IL18BP: variants seen among roughly 807,000 people sequenced by gnomAD.
IL18BP encodes the protein interleukin 18 binding protein.
A neutral mutation model predicts 19.9 loss-of-function variants in IL18BP; 23 were observed. The ratio of observed to expected loss-of-function variants is 1.15; its 90% confidence interval spans 0.83 to 1.64. IL18BP has a LOEUF of 1.64. Ranked by LOEUF, IL18BP falls within the 40% of genes most tolerant of loss-of-function variation. The pLI is 0.00. For missense variants in IL18BP, 239 were observed against 240.7 expected (o/e 0.99, Z 0.05); for synonymous variants, 107 against 101.0 (o/e 1.06, Z -0.35).
rs916350949 is a variant in IL18BP, at chr11:72,001,507, C to T, written c.462C>T (p.Asp154=). The change falls in exon 5 of 6, where the codon GAC becomes GAT. Residue 154 remains aspartate (D), a synonymous_variant. Coordinates refer to ENST00000393703, the MANE Select transcript of IL18BP (RefSeq NM_001039660.2). The part of the protein sequence containing the change: ...HSTNFSCVLV[D]PEQVVQRHVV... ...CCAACTTCTCCTGTGTGCTCGTGGA[C>T]CCTGAACAGGTTGTCCAGCGTCACG... 4 of 1,613,866 alleles carry T rather than the reference C, an allele frequency of 2.5e-6. No individual in the cohort carries two copies. Among genetic ancestry groups the T allele is most frequent in the African/African-American group, 2.7e-5 (2 of 74,934 alleles).
rs762796322 is a variant in IL18BP, at chr11:72,002,104, T to G, written c.*243T>G. On this transcript the variant is annotated 3_prime_UTR_variant, in exon 6 of 6. Coordinates refer to ENST00000393703, the MANE Select transcript of IL18BP (RefSeq NM_001039660.2). ...TCTCTCTCCACCTATCCATTAGCCT[T>G]CCTAACGTCCTACTCCTCACACTGC... The G allele has an allele frequency of 4.6e-4, 280 of 604,840 alleles. 2 individuals carry two copies. Among genetic ancestry groups the G allele is most frequent in the Non-Finnish European group, 6.8e-5 (23 of 337,980 alleles). The allele number at this position is 604,840 out of a possible 1,614,324, so 37.5% of individuals were successfully genotyped here. A position where few individuals can be genotyped will look rare whatever the true frequency, so the allele number is the denominator to read the frequency against.
intron 1 of IL18BP, 57 bp from the exon 2 acceptor site, chr11:71,999,870 C>A: frequency 9.7e-7 from 1 of 1,035,426 alleles, no homozygotes; most frequent in Non-Finnish European, 1.5e-6. Flanking sequence ...GAGGAAAAGC[C>A]AGCTACTGAG....
downstream of IL18BP, chr11:72,004,663 G>A (rs1481026421): frequency 1.2e-6 from 2 of 1,613,028 alleles, no homozygotes; most frequent in Admixed American, 3.3e-5. Flanking sequence ...GGGCCCTGGT[G>A]GGGCTCTAGG....
downstream of IL18BP, chr11:72,005,356 G>C: frequency 6.2e-7 from 1 of 1,607,792 alleles, no homozygotes; most frequent in Non-Finnish European, 8.5e-7. Context: ...TGCCCATGTA[G>C]AAGCTGTTCC....
downstream of IL18BP, chr11:72,005,189 G>A (rs2852364): frequency 6.5e-7 from 1 of 1,526,802 alleles, no homozygotes; most frequent in Non-Finnish European, 8.8e-7. Flanking sequence ...GATTCCAAGG[G>A]AGGGCAGGGA....
At chr11:72,004,467 C>T (rs71477707), downstream of IL18BP, 2 of 1,217,642 alleles carry the variant, frequency 1.6e-6, no homozygotes, top group Non-Finnish European at 2.4e-6. Flanking sequence ...CTTCCCAACT[C>T]TGGGCCAGAT....
chr11:72,002,057 T>C lies in IL18BP; in HGVS notation c.*196T>C. The C allele has an allele frequency of 2.8e-6, 2 of 716,674 alleles. No homozygotes were observed. The highest frequency in any genetic ancestry group is 4.7e-6 in the Non-Finnish European group (2 of 425,628). The allele number at this position is 716,674 out of a possible 1,614,324, so 44.4% of individuals were successfully genotyped here. A position where few individuals can be genotyped will look rare whatever the true frequency, so the allele number is the denominator to read the frequency against. ...TACCTAGAAAATCACAGCCTCCTTA[T>C]AATGCCTCCTCCTCCTGCCATTCTC... On this transcript the variant is annotated 3_prime_UTR_variant, in exon 6 of 6. Coordinates refer to ENST00000393703, the MANE Select transcript of IL18BP (RefSeq NM_001039660.2).
At chr11:72,006,008 T>G, downstream of IL18BP, 1 of 1,535,380 alleles carries the variant, frequency 6.5e-7, no homozygotes, top group Non-Finnish European at 8.9e-7. Context: ...AATTTTGGGG[T>G]ATAGTAAGTC....
chr11:72,004,540 G>C (rs1590850920), downstream of IL18BP: 2 of 1,304,470 alleles, frequency 1.5e-6, no homozygotes, highest in East Asian at 4.7e-5. Flanking sequence ...AAGAGAGGGG[G>C]AAGTGAGGGA....
chr11:72,002,885 T>C (rs1042888777), downstream of IL18BP: 1 of 223,972 alleles, frequency 4.5e-6, no homozygotes, highest in Non-Finnish European at 8.9e-6. Context: ...AAATAGACTT[T>C]ATTTACAAGT....
Position 72,001,219 on chromosome 11 carries a change from C to T in IL18BP, c.254C>T (p.Ser85Phe), listed in dbSNP as rs751127650. The stretch of plus-strand genomic sequence containing the variant: ...TCCCTAGATGGAACGCTGAGCTTAT[C>T]CTGTGTGGCCTGCAGCCGCTTCCCC... ...EVPLNGTLSLSCVACSRFPNF... is the reference protein window; with the variant it reads ...EVPLNGTLSLFCVACSRFPNF... The change falls in exon 4 of 6, where the codon TCC (serine) becomes TTC (phenylalanine). Residue 85 changes from serine (S) to phenylalanine (F), a missense_variant. Transcript: ENST00000393703. 1 of 1,614,200 alleles carries T rather than the reference C, an allele frequency of 6.2e-7. No homozygotes were observed. The highest frequency in any genetic ancestry group is 1.1e-5 in the South Asian group (1 of 91,084).
rs1278327104 is a variant in IL18BP at position 72,001,893 on chromosome 11, T to A, written c.*32T>A. The A allele has an allele frequency of 4.3e-6, 7 of 1,613,832 alleles. No individual in the cohort carries two copies. The South Asian group carries it at 7.7e-5, about 18-fold the overall frequency. On this transcript the variant is annotated 3_prime_UTR_variant, in exon 6 of 6. Transcript: ENST00000393703. ...GCACAGGGCCAGCAGCAGCACAACCTTGACCAGAGCTTGGGTCCTACCTGT... is the reference window on the plus strand; with the variant it reads ...GCACAGGGCCAGCAGCAGCACAACCATGACCAGAGCTTGGGTCCTACCTGT...
downstream of IL18BP, chr11:72,004,527 G>A (rs921997052): frequency 9.3e-6 from 12 of 1,286,056 alleles, no homozygotes; most frequent in African/African-American, 7.4e-5. Flanking sequence ...TTGGAGAGAG[G>A]GAAAGAGAGG....
chr11:72,000,477 C>T lies in IL18BP; in HGVS notation c.155C>T (p.Pro52Leu), dbSNP rs753431974. Residue 52 changes from proline to leucine, a missense_variant, in exon 3 of 6, where the codon CCC becomes CTC. Coordinates refer to ENST00000393703, the MANE Select transcript of IL18BP (RefSeq NM_001039660.2). The part of the protein sequence containing the change: ...ASVRSTKDPC[P>L]SQPPVFPAAK... The stretch of plus-strand genomic sequence containing the variant: ...GTTAGAAGCACAAAGGACCCCTGCC[C>T]CTCCCAGCCCCCAGTGTTCCCAGCA... 3.7e-6 allele frequency: 6 copies of T among 1,613,966 alleles called. No individual in the cohort carries two copies. The African/African-American group carries it at 6.7e-5, about 18-fold the overall frequency.
At chr11:72,000,288 A>T in intron 2 of IL18BP, 63 bp from the exon 3 acceptor site, 1 of 1,443,788 alleles carries the variant, frequency 6.9e-7, no homozygotes, top group Non-Finnish European at 9.7e-7. Context: ...CTGGAGTTAC[A>T]TCCTTACCCG....
At chr11:72,004,255 C>T (rs1955511354), downstream of IL18BP, 14 of 1,612,094 alleles carry the variant, frequency 8.7e-6, no homozygotes, top group Non-Finnish European at 1.1e-5. Flanking sequence ...CTGCTTTCTT[C>T]TGGGCCTCAG....
At chr11:72,004,098 G>C, downstream of IL18BP, 1 of 1,613,238 alleles carries the variant, frequency 6.2e-7, no homozygotes, top group Admixed American at 1.7e-5. Context: ...GCGCCGGTCA[G>C]CCTGCAAGGA....
downstream of IL18BP, chr11:72,004,479 C>A: frequency 8.3e-7 from 1 of 1,206,986 alleles, no homozygotes; most frequent in Non-Finnish European, 1.2e-6. Context: ...GGGCCAGATC[C>A]TTCCCTTCCC....
At chr11:72,004,119 G>C, downstream of IL18BP, 1 of 1,612,804 alleles carries the variant, frequency 6.2e-7, no homozygotes, top group Non-Finnish European at 8.5e-7. Flanking sequence ...AGGGCTGTCA[G>C]ACCGGGAGAC....
Sources: gnomAD v4.1 joint callset for allele counts on GRCh38, gnomAD v4.1.1 for gene constraint, MANE v1.5 for transcripts, NCBI Gene and HGNC (gene_info 2026-07-23, HGNC 2026-07-21) for gene names.